PKHD1: variants seen among roughly 807,000 people sequenced by gnomAD.
PKHD1 encodes the protein PKHD1 ciliary IPT domain containing fibrocystin/polyductin, also known as fibrocystin.
A neutral mutation model predicts 412.0 loss-of-function variants in PKHD1; 291 were observed. That is an observed-to-expected ratio of 0.71 (90% confidence interval 0.64 to 0.78). The LOEUF (loss-of-function observed/expected upper bound fraction) is 0.78. Ranked by LOEUF, PKHD1 falls within the 30% of genes least tolerant of loss-of-function variation. The pLI, the probability that PKHD1 is intolerant of heterozygous loss-of-function variation, is 0.00. For missense variants in PKHD1, 4,825 were observed against 4,950.7 expected, an observed-to-expected ratio of 0.97 and a Z score of 0.76; for synonymous variants, 1,777 against 1,821.5, an observed-to-expected ratio of 0.98 and a Z score of 0.62.
chr6:51,632,463 A>C (rs1768040766), intron 65 of PKHD1, 102 bp downstream of exon 65: 4 of 1,000,860 alleles, frequency 4.0e-6, no homozygotes, highest in Non-Finnish European at 4.5e-6. Flanking sequence ...AGAAGCTCAC[A>C]AAAATTTGTC....
chr6:51,969,525 A>G (rs1008326637), intron 35 of PKHD1, among the ~76,000 whole-genome samples: 1 of 152,166 alleles, frequency 6.6e-6, no homozygotes, highest in Admixed American at 6.5e-5. Flanking sequence ...CATTGTGCCC[A>G]TTAAGTAATT....
chr6:51,690,458 C>T (rs368642328), intron 60 of PKHD1, among the ~76,000 whole-genome samples: 13 of 152,020 alleles, frequency 8.6e-5, no homozygotes, highest in East Asian at 5.8e-4. Flanking sequence ...AGTACTGGTA[C>T]GAGAACAAGA....
At chr6:51,968,161 C>T (rs1793115994) in intron 35 of PKHD1, among the ~76,000 whole-genome samples, 1 of 152,148 alleles carries the variant, frequency 6.6e-6, no homozygotes, top group African/African-American at 2.4e-5. Flanking sequence ...TATTCACTGC[C>T]ATCTGCTCTA....
At chr6:51,672,517 A>G (rs1173480319) in intron 60 of PKHD1, among the ~76,000 whole-genome samples, 1 of 152,198 alleles carries the variant, frequency 6.6e-6, no homozygotes, top group Non-Finnish European at 1.5e-5. Context: ...CCTGAAACCT[A>G]ATCTTTATCA....
At chr6:51,746,017 A>G (rs978697846) in intron 59 of PKHD1, among the ~76,000 whole-genome samples, 4 of 152,078 alleles carry the variant, frequency 2.6e-5, no homozygotes, top group African/African-American at 7.2e-5. Context: ...TTTTCTTCCA[A>G]TAAAGGAGTT....
In PKHD1 at chr6:52,006,339, T is replaced by A. The variant is rs536211192; in HGVS notation, c.5751+3970A>T. Among the ~76,000 whole-genome samples, 140 of 150,130 alleles carry A rather than the reference T, an allele frequency of 9.3e-4. 2 individuals are homozygous for A. Among genetic ancestry groups the A allele is most frequent in the African/African-American group, 3.3e-3 (133 of 40,820 alleles). The stretch of plus-strand genomic sequence containing the variant: ...ACAGGCACCACCACGCTGGGCTGAT[T>A]TTTTGGTTTGTTTTTTGTTGTTGTT... On this transcript the variant is annotated intron_variant, in intron 35 of 66. Transcript: ENST00000371117.
intron 35 of PKHD1, among the ~76,000 whole-genome samples, chr6:51,970,146 C>G (rs77221042): frequency 0.017 from 2,522 of 152,196 alleles, 40 homozygotes; most frequent in Non-Finnish European, 0.027. Context: ...TAATATAACT[C>G]GGTATCCCAC....
chr6:51,856,398 G>T (rs934643709), intron 48 of PKHD1, among the ~76,000 whole-genome samples: 1 of 152,132 alleles, frequency 6.6e-6, no homozygotes, highest in Non-Finnish European at 1.5e-5. Context: ...AGTGCAATGC[G>T]CAGTCTCAGC....
intron 60 of PKHD1, among the ~76,000 whole-genome samples, chr6:51,733,303 G>A (rs890169116): frequency 6.6e-6 from 1 of 152,146 alleles, no homozygotes; most frequent in Non-Finnish European, 1.5e-5. Context: ...TACTTTGGGA[G>A]AACGAGATGG....
chr6:51,964,860 A>T (rs1283456822), intron 35 of PKHD1, among the ~76,000 whole-genome samples: 6 of 152,092 alleles, frequency 3.9e-5, no homozygotes, highest in Non-Finnish European at 7.4e-5. Context: ...AATAACACTT[A>T]TATGTCCTTC....
intron 60 of PKHD1, among the ~76,000 whole-genome samples, chr6:51,682,638 T>A (rs1776846185): frequency 6.6e-6 from 1 of 152,018 alleles, no homozygotes; most frequent in Non-Finnish European, 1.5e-5. Flanking sequence ...ACAGGGCAAG[T>A]TGAGTGAACA....
chr6:52,084,610 A>G (rs1812491008), intron 2 of PKHD1, among the ~76,000 whole-genome samples: 1 of 152,260 alleles, frequency 6.6e-6, no homozygotes, highest in Non-Finnish European at 1.5e-5. Context: ...ACCATTAAAA[A>G]TTGAAGTATA....
At chr6:51,779,749 A>G (rs973693434) in intron 53 of PKHD1, among the ~76,000 whole-genome samples, 5 of 151,906 alleles carry the variant, frequency 3.3e-5, no homozygotes, top group African/African-American at 1.2e-4. Flanking sequence ...ACAAATGGAT[A>G]TACCTATAAT....
intron 60 of PKHD1, among the ~76,000 whole-genome samples, chr6:51,680,174 A>G (rs1210210238): frequency 6.6e-6 from 1 of 152,030 alleles, no homozygotes; most frequent in African/African-American, 2.4e-5. Context: ...TTTGGAAAAT[A>G]GTCTCTCTAG....
intron 33 of PKHD1, 129 bp from the exon 34 acceptor site, chr6:52,017,758 T>C: frequency 2.8e-6 from 2 of 724,258 alleles, no homozygotes; most frequent in Non-Finnish European, 5.0e-6. Flanking sequence ...TTACTTTTTT[T>C]AAAATGTATT....
In PKHD1 at chr6:51,615,521, T is replaced by C. The variant is rs1477238283; in HGVS notation, c.*3560A>G. 1 of 152,234 alleles carries C rather than the reference T, an allele frequency of 6.6e-6. No homozygotes were observed. The highest frequency in any genetic ancestry group is 1.9e-4 in the East Asian group (1 of 5,206). 9.4% of individuals were successfully genotyped at this position (152,234 alleles called of 1,614,324 possible). On this transcript the variant is annotated 3_prime_UTR_variant, in exon 67 of 67. Coordinates refer to ENST00000371117, the MANE Select transcript of PKHD1 (RefSeq NM_138694.4). The stretch of plus-strand genomic sequence containing the variant: ...TAGTTTTTTCAAAATTGGCATAGAC[T>C]ATAAGTTCTGAAAGCAAAATATGGA...
chr6:51,895,225 G>T (rs770252786), intron 43 of PKHD1, among the ~76,000 whole-genome samples: 1 of 152,182 alleles, frequency 6.6e-6, no homozygotes, highest in Non-Finnish European at 1.5e-5. Context: ...AAGCCAAAGT[G>T]GGGAGATCAC....
rs74891009 is a variant in PKHD1 at position 51,869,501 on chromosome 6, G to T, written c.7486+1003C>A. On this transcript the variant is annotated intron_variant, in intron 47 of 66. Transcript: ENST00000371117. Reference sequence around the variant, plus strand: ...CAGAAACTATGTGTTTTTTATATTTGTACCCCCTAGGTCCTTAAGCAGAGC... The same window carrying T: ...CAGAAACTATGTGTTTTTTATATTTTTACCCCCTAGGTCCTTAAGCAGAGC... Among the ~76,000 whole-genome samples, 1,507 of 152,006 alleles carry T rather than the reference G, an allele frequency of 9.9e-3. 26 individuals are homozygous for T. The highest frequency in any genetic ancestry group is 0.034 in the African/African-American group (1,393 of 41,470).
chr6:52,058,099 G>C (rs1808064218), intron 16 of PKHD1, among the ~76,000 whole-genome samples: 1 of 152,144 alleles, frequency 6.6e-6, no homozygotes, highest in East Asian at 1.9e-4. Context: ...GACTTGCTTG[G>C]AACTTAAATT....
Sources: gnomAD v4.1 joint callset for allele counts (sites outside exome capture counted in the v4.1 genomes callset) on GRCh38, gnomAD v4.1.1 for gene constraint, MANE v1.5 for transcripts, NCBI Gene and HGNC (gene_info 2026-07-23, HGNC 2026-07-21) for gene names.